The following KCTD8 variants were observed in gnomAD, a reference collection of about 807,000 sequenced individuals.
KCTD8 encodes the protein BTB/POZ domain-containing protein KCTD8.
In KCTD8, 27 loss-of-function variants were observed where a neutral mutation model predicts 31.5. That is an observed-to-expected ratio of 0.86 (90% CI 0.63 to 1.18). KCTD8 has a LOEUF of 1.18. Ranked by LOEUF, KCTD8 falls within the 50% of genes most tolerant of loss-of-function variation. The probability of loss-of-function intolerance (pLI) is 0.00; values close to 1 mark genes in which losing one functional copy is unlikely to be tolerated. For synonymous variants in KCTD8, 290 were observed against 280.0 expected (o/e 1.04, Z -0.36); for missense variants, 658 against 647.7 (o/e 1.02, Z -0.17).
chr4:44,214,120 TC>T (rs915637743), intron 1 of KCTD8, among the ~76,000 whole-genome samples: 2 of 152,214 alleles, frequency 1.3e-5, no homozygotes, highest in Admixed American at 6.5e-5. Context: ...CCTATTATTT[TC>T]TAAAAAGCTC....
chr4:44,445,570 A>C (rs1721918433), intron 1 of KCTD8, among the ~76,000 whole-genome samples: 1 of 152,186 alleles, frequency 6.6e-6, no homozygotes. Context: ...CAATATACTA[A>C]GGGCACTTTT....
chr4:44,249,877 G>T (rs1396811286), intron 1 of KCTD8, among the ~76,000 whole-genome samples: 1 of 150,240 alleles, frequency 6.7e-6, no homozygotes, highest in Non-Finnish European at 1.5e-5. Context: ...CCTATCCTTA[G>T]ATCTTTTTCC....
intron 1 of KCTD8, among the ~76,000 whole-genome samples, chr4:44,264,252 C>A (rs752307590): frequency 6.6e-6 from 1 of 152,096 alleles, no homozygotes; most frequent in Non-Finnish European, 1.5e-5. Context: ...ATTAGCTATT[C>A]TTTATAGAAT....
intron 1 of KCTD8, among the ~76,000 whole-genome samples, chr4:44,335,844 C>T (rs906445839): frequency 6.6e-6 from 1 of 151,908 alleles, no homozygotes; most frequent in Admixed American, 6.6e-5. Flanking sequence ...TTGGGAACCC[C>T]AACCCACAAT....
chr4:44,281,521 G>T (rs922620578), intron 1 of KCTD8, among the ~76,000 whole-genome samples: 3 of 152,088 alleles, frequency 2.0e-5, no homozygotes, highest in African/African-American at 7.2e-5. Flanking sequence ...AAATACTGGG[G>T]TCTGACTGAT....
At chr4:44,207,303 A>T (rs1714343411) in intron 1 of KCTD8, among the ~76,000 whole-genome samples, 1 of 152,178 alleles carries the variant, frequency 6.6e-6, no homozygotes, top group African/African-American at 2.4e-5. Flanking sequence ...ATATTTGATC[A>T]ATATCATCTT....
intron 1 of KCTD8, among the ~76,000 whole-genome samples, chr4:44,302,482 T>C (rs974579887): frequency 2.0e-5 from 3 of 152,164 alleles, no homozygotes; most frequent in Non-Finnish European, 4.4e-5. Flanking sequence ...TTGAAGCCAT[T>C]GTGAATGGGA....
intron 1 of KCTD8, among the ~76,000 whole-genome samples, chr4:44,441,666 T>C (rs894972534): frequency 3.9e-5 from 6 of 152,202 alleles, no homozygotes; most frequent in Admixed American, 3.9e-4. Flanking sequence ...ACAAGCTCTA[T>C]GAACCAGGGA....
At chr4:44,230,877 T>C (rs1352019993) in intron 1 of KCTD8, among the ~76,000 whole-genome samples, 1 of 152,148 alleles carries the variant, frequency 6.6e-6, no homozygotes, top group Non-Finnish European at 1.5e-5. Flanking sequence ...ACAGCTATCA[T>C]TTGGGAATAT....
At chr4:44,386,850 T>C (rs1720235358) in intron 1 of KCTD8, among the ~76,000 whole-genome samples, 1 of 151,668 alleles carries the variant, frequency 6.6e-6, no homozygotes, top group Admixed American at 6.6e-5. Flanking sequence ...GCAACCTAAA[T>C]GTTCATCAAC....
intron 1 of KCTD8, among the ~76,000 whole-genome samples, chr4:44,256,071 C>A (rs1577577709): frequency 6.6e-6 from 1 of 151,790 alleles, no homozygotes; most frequent in Non-Finnish European, 1.5e-5. Context: ...TGGTGGCAGG[C>A]AAGAGAGCAT....
intron 1 of KCTD8, among the ~76,000 whole-genome samples, chr4:44,387,975 G>A (rs185564625): frequency 1.3e-5 from 2 of 148,954 alleles, no homozygotes; most frequent in East Asian, 4.0e-4. Context: ...TCTAACAAAG[G>A]TCTAACATTC....
intron 1 of KCTD8, among the ~76,000 whole-genome samples, chr4:44,396,028 A>T (rs1167669106): frequency 6.6e-6 from 1 of 152,142 alleles, no homozygotes; most frequent in Non-Finnish European, 1.5e-5. Flanking sequence ...TGAAATAATT[A>T]TACAAGTCAC....
intron 1 of KCTD8, among the ~76,000 whole-genome samples, chr4:44,394,167 CA>C (rs1560443982): frequency 6.6e-6 from 1 of 151,910 alleles, no homozygotes; most frequent in Non-Finnish European, 1.5e-5. Context: ...TGATTCAGAA[CA>C]AAAAATATAA....
rs1721979104 is a variant in KCTD8, at chr4:44,447,713, G to A, written c.811C>T (p.Leu271Phe). ...GCCTGCTCCAAGTAGGTGAACTTGA[G>A]GTAGAAGCGGGACGTGTACTTCTCC... ...QPEKYTSRFYLKFTYLEQAFD... is the reference protein window; with the variant it reads ...QPEKYTSRFYFKFTYLEQAFD... The change falls in exon 1 of 2, where the codon CTC becomes TTC. Residue 271 changes from leucine to phenylalanine, a missense_variant. Transcript: ENST00000360029. The A allele has an allele frequency of 1.9e-6, 3 of 1,612,654 alleles. No individual in the cohort carries two copies. Among genetic ancestry groups the A allele is most frequent in the Non-Finnish European group, 2.5e-6 (3 of 1,179,460 alleles).
chr4:44,191,557 G>T (rs950065557), intron 1 of KCTD8, among the ~76,000 whole-genome samples: 3 of 152,098 alleles, frequency 2.0e-5, no homozygotes, highest in African/African-American at 4.8e-5. Context: ...CCTAGGAAAA[G>T]AATTGTATTC....
At chr4:44,193,952 G>A (rs1423348416) in intron 1 of KCTD8, among the ~76,000 whole-genome samples, 1 of 152,158 alleles carries the variant, frequency 6.6e-6, no homozygotes, top group African/African-American at 2.4e-5. Context: ...AAAATTTACA[G>A]AGTGAAATTA....
chr4:44,305,998 A>T (rs1156406757), intron 1 of KCTD8, among the ~76,000 whole-genome samples: 1 of 151,896 alleles, frequency 6.6e-6, no homozygotes, highest in Admixed American at 6.6e-5. Context: ...AAATTAGAAA[A>T]TACTTAAAGT....
At chr4:44,320,201 AGAG>A (rs1718259820) in intron 1 of KCTD8, among the ~76,000 whole-genome samples, 1 of 131,408 alleles carries the variant, frequency 7.6e-6, no homozygotes, top group Non-Finnish European at 1.7e-5. Context: ...AAAAAAAAAG[AGAG>A]AGAGAATTGA....
Sources: gnomAD v4.1 joint callset for allele counts (sites outside exome capture counted in the v4.1 genomes callset) on GRCh38, gnomAD v4.1.1 for gene constraint, MANE v1.5 for transcripts, NCBI Gene and HGNC (gene_info 2026-07-23, HGNC 2026-07-21) for gene names.